ZNF384: variants seen among roughly 807,000 people sequenced by gnomAD.
The protein encoded by ZNF384 is CAG repeat protein 1.
A neutral mutation model predicts 65.0 loss-of-function variants in ZNF384; 20 were observed. The observed-to-expected ratio is 0.31, with a 90% CI of 0.22 to 0.45. The LOEUF (loss-of-function observed/expected upper bound fraction) is 0.45. Ranked by LOEUF, ZNF384 falls within the 20% of genes least tolerant of loss-of-function variation. ZNF384 has a pLI of 1.00. For missense variants in ZNF384, 549 were observed against 769.4 expected, an observed-to-expected ratio of 0.71 and a Z score of 3.39; for synonymous variants, 310 against 303.9, an observed-to-expected ratio of 1.02 and a Z score of -0.21.
Position 6,673,414 on chromosome 12 carries a change from T to C in ZNF384, c.806A>G (p.Tyr269Cys), listed in dbSNP as rs766392210. The stretch of plus-strand genomic sequence containing the variant: ...GTGGATCTGCATCTCCGACTTGGAG[T>C]AGAATGTCAGTGAGCACATCCGGCA... ...PGCRMCSLTF[Y>C]SKSEMQIHSK... is the part of the protein sequence containing the mutation. Residue 269 changes from tyrosine (Y) to cysteine (C), a missense_variant, in exon 8 of 12, where the codon TAC becomes TGC. By Grantham distance (194) the Tyr-to-Cys change is radical. This residue lies in a region of ZNF384 where 277 missense variants were observed against 337.2 expected (regional missense o/e 0.82). Transcript: ENST00000683879. The surrounding 1 kb of genome is among the most constrained non-coding windows in gnomAD (Gnocchi z 4.7). 1.2e-6 allele frequency: 2 copies of C among 1,613,172 alleles called. No homozygotes were observed. Among genetic ancestry groups the C allele is most frequent in the Admixed American group, 1.7e-5 (1 of 59,936 alleles).
chr12:6,667,857 C>G lies in ZNF384; in HGVS notation c.1684G>C (p.Gly562Arg), dbSNP rs754871174. The change falls in exon 12 of 12, where the codon GGG (glycine) becomes CGG (arginine). Residue 562 changes from glycine to arginine, a missense_variant. Physicochemically the swap from Gly to Arg is moderately radical, Grantham distance 125 (BLOSUM62 -2). Coordinates refer to ENST00000683879, the MANE Select transcript of ZNF384 (RefSeq NM_001385745.1). ...FQSPGAAPQG[G>R]GGGDSNPNPP... Reference sequence around the variant, plus strand: ...TTGGGATTGCTGTCCCCACCACCCCCACCCTGGGGGGCTGCCCCAGGAGAC... The same window carrying G: ...TTGGGATTGCTGTCCCCACCACCCCGACCCTGGGGGGCTGCCCCAGGAGAC... 2.3e-5 allele frequency: 37 copies of G among 1,614,200 alleles called. No individual in the cohort carries two copies. Among genetic ancestry groups the G allele is most frequent in the Non-Finnish European group, 3.1e-5 (36 of 1,180,028 alleles).
chr12:6,685,380 A>G (rs992418753), intron 2 of ZNF384, among the ~76,000 whole-genome samples: 3 of 152,036 alleles, frequency 2.0e-5, no homozygotes, highest in Non-Finnish European at 4.4e-5. Flanking sequence ...AGAAGGAAAG[A>G]TATAATTTGG....
intron 2 of ZNF384, among the ~76,000 whole-genome samples, chr12:6,679,986 T>C (rs1283134279): frequency 6.6e-6 from 1 of 152,228 alleles, no homozygotes; most frequent in Admixed American, 6.5e-5. Flanking sequence ...AATTTTAGTT[T>C]TTCTGTTTTT....
At chr12:6,669,302 T>G (rs1313008275) in intron 10 of ZNF384, 113 bp from the exon 11 acceptor site, 1 of 1,070,224 alleles carries the variant, frequency 9.3e-7, no homozygotes, top group African/African-American at 1.6e-5. Flanking sequence ...TCTCCCTCTA[T>G]CTGAAGAAAG....
At chr12:6,686,963 T>C (rs1958146696) in intron 2 of ZNF384, among the ~76,000 whole-genome samples, 1 of 152,120 alleles carries the variant, frequency 6.6e-6, no homozygotes, top group Admixed American at 6.5e-5. Flanking sequence ...AGAAAGAACT[T>C]AAGACGCTAT....
rs149561532 is a variant in ZNF384, at chr12:6,684,704, C to T, written c.-6+3463G>A. On this transcript the variant is annotated intron_variant, in intron 2 of 11. Transcript: ENST00000683879. ...TCATCCAACTATAAGCAACCTTTAC[C>T]AGCAAAATGACACCTGAGAAATGCT... Among the ~76,000 whole-genome samples, 334 of 152,192 alleles carry T rather than the reference C, an allele frequency of 2.2e-3. 1 individual carries two copies. Among genetic ancestry groups the T allele is most frequent in the African/African-American group, 7.5e-3 (312 of 41,518 alleles).
chr12:6,679,621 G>A, intron 2 of ZNF384, 96 bp from the exon 3 acceptor site: 1 of 921,130 alleles, frequency 1.1e-6, no homozygotes, highest in Non-Finnish European at 1.7e-6. Context: ...GGTCTCCTCT[G>A]GCACCTGATC....
At position 6,688,211 on chromosome 12, in the gene ZNF384, A is replaced by C. The variant is rs2137554088; in HGVS notation, c.-50T>G. On this transcript the variant is annotated 5_prime_UTR_variant, in exon 2 of 12. Transcript: ENST00000683879. ...TGCCGTCTTATTCCTTCTCCTTTCC[A>C]GGGCTCCTGAACTTTCTGTAAACAA... 1 of 152,546 alleles carries C rather than the reference A, an allele frequency of 6.6e-6. No homozygotes were observed. The highest frequency in any genetic ancestry group is 2.4e-5 in the African/African-American group (1 of 41,460). 9.4% of individuals were successfully genotyped at this position (152,546 alleles called of 1,614,324 possible).
Position 6,677,966 on chromosome 12 carries a change from C to G in ZNF384, c.686+161G>C, listed in dbSNP as rs562051620. Among the ~76,000 whole-genome samples the G allele has an allele frequency of 3.5e-4, 53 of 152,320 alleles. 2 individuals are homozygous for G. In the South Asian group the frequency reaches 0.011, roughly 31 times the overall value. ...GCATCCTAACACGATGCTAGCAGCTCTGCCTCCTATCCTATGATGGGACAC... is the reference window on the plus strand; with the variant it reads ...GCATCCTAACACGATGCTAGCAGCTGTGCCTCCTATCCTATGATGGGACAC... On this transcript the variant is annotated intron_variant, in intron 6 of 11. Coordinates refer to ENST00000683879, the MANE Select transcript of ZNF384 (RefSeq NM_001385745.1).
At chr12:6,688,083 T>C (rs1958610360) in intron 2 of ZNF384, 84 bp downstream of exon 2, 1 of 152,602 alleles carries the variant, frequency 6.6e-6, no homozygotes, top group African/African-American at 2.4e-5. Flanking sequence ...TTCTATCACA[T>C]TGTGAAACAC....
Position 6,678,028 on chromosome 12 carries a change from G to T in ZNF384, c.686+99C>A. On this transcript the variant is annotated intron_variant, in intron 6 of 11. Transcript: ENST00000683879. The surrounding 1 kb of genome is among the most constrained non-coding windows in gnomAD (Gnocchi z 4.9). ...GTGGCTCAGAGCTGGGAAGCTGTCA[G>T]AGTGTAGCGCCTGACCGGGGCAGAA... 1 of 1,158,416 alleles carries T rather than the reference G, an allele frequency of 8.6e-7. No homozygotes were observed. The allele number at this position is 1,158,416 out of a possible 1,614,324, so 71.8% of individuals were successfully genotyped here.
chr12:6,677,032 C>A lies in ZNF384; in HGVS notation c.779+135G>T, dbSNP rs143536508. 1.8e-3 allele frequency: 588 copies of A among 326,040 alleles called. 3 individuals are homozygous for A. Among genetic ancestry groups the A allele is most frequent in the African/African-American group, 0.012 (564 of 45,524 alleles). The allele number at this position is 326,040 out of a possible 1,614,324, so 20.2% of individuals were successfully genotyped here. On this transcript the variant is annotated intron_variant, in intron 7 of 11. Coordinates refer to ENST00000683879, the MANE Select transcript of ZNF384 (RefSeq NM_001385745.1). ...AAAATAAATGCTAAATAACTAATTT[C>A]TTAACTTTCTTTTGAAGTTCCCAAC...
chr12:6,671,059 G>A (rs1951300810), intron 9 of ZNF384, among the ~76,000 whole-genome samples: 1 of 152,198 alleles, frequency 6.6e-6, no homozygotes, highest in South Asian at 2.1e-4. Flanking sequence ...TCTCTGCTGG[G>A]GGAGGAGAGA....
chr12:6,668,962 GA>G, intron 11 of ZNF384, 68 bp downstream of exon 11: 1 of 1,496,218 alleles, frequency 6.7e-7, no homozygotes, highest in Non-Finnish European at 9.0e-7. Flanking sequence ...TCTCTACCCA[GA>G]AAATGGGGTG....
rs1338924059 is a variant in ZNF384, at chr12:6,683,846, G to A, written c.-6+4321C>T. On this transcript the variant is annotated intron_variant, in intron 2 of 11. Coordinates refer to ENST00000683879, the MANE Select transcript of ZNF384 (RefSeq NM_001385745.1). The stretch of plus-strand genomic sequence containing the variant: ...AGTCTGGCCAAGATGGTGAAACCTT[G>A]TCTCTACTGAAAGTACAAATATTAG... Among the ~76,000 whole-genome samples the A allele has an allele frequency of 2.6e-5, 4 of 151,728 alleles. No individual in the cohort carries two copies. The South Asian group carries it at 8.3e-4, about 32-fold the overall frequency.
chr12:6,679,041 T>C lies in ZNF384; in HGVS notation c.209A>G (p.Glu70Gly). ...SLPSGISMDT[E>G]SKSDQLTPHS... ...TGGGGTCAGCTGGTCTGACTTGGAC[T>C]CTGTGTCCATACTGATGCCTGAGGG... is the stretch of plus-strand genomic sequence containing the variant. Residue 70 changes from glutamate to glycine, a missense_variant, in exon 4 of 12, where the codon GAG becomes GGG. Transcript: ENST00000683879. The C allele has an allele frequency of 6.2e-7, 1 of 1,614,048 alleles. No homozygotes were observed. The highest frequency in any genetic ancestry group is 1.1e-5 in the South Asian group (1 of 91,072).
intron 11 of ZNF384, 99 bp from the exon 12 acceptor site, chr12:6,668,214 A>C: frequency 3.2e-6 from 4 of 1,257,036 alleles, no homozygotes; most frequent in Non-Finnish European, 4.4e-6. Context: ...TAAGCAGAGT[A>C]AGCTTTATAC....
chr12:6,685,650 G>A (rs1003088369), intron 2 of ZNF384, among the ~76,000 whole-genome samples: 7 of 152,064 alleles, frequency 4.6e-5, no homozygotes, highest in Non-Finnish European at 2.9e-5. Context: ...GCATGCGCCT[G>A]TAATCCCAAC....
intron 9 of ZNF384, 118 bp from the exon 10 acceptor site, chr12:6,670,956 C>CTT: frequency 6.5e-6 from 5 of 773,862 alleles, no homozygotes; most frequent in Non-Finnish European, 1.1e-5. Flanking sequence ...GATGGGCCTC[C>CTT]AAGAGGCACC....
Sources: allele counts gnomAD v4.1 joint callset (sites outside exome capture counted in the v4.1 genomes callset), GRCh38; gene constraint gnomAD v4.1.1; regional missense constraint gnomAD v4.1.1; non-coding constraint Gnocchi (gnomAD v3.1); transcripts MANE v1.5; gene names NCBI Gene and HGNC (gene_info 2026-07-23, HGNC 2026-07-21).